Variants in GDI2 observed in about 807,000 individuals in gnomAD.
The protein encoded by GDI2 is GDP dissociation inhibitor 2, also known as rab GDP dissociation inhibitor beta.
GDI2 carries 22 observed loss-of-function variants against 54.2 expected under a neutral mutation model. The observed-to-expected ratio is 0.41, with a 90% CI of 0.29 to 0.58. The LOEUF (loss-of-function observed/expected upper bound fraction) is 0.58. Among genes scored for constraint, GDI2 ranks in the 20% least tolerant of loss-of-function variants. The pLI, the probability that GDI2 is intolerant of heterozygous loss-of-function variation, is 0.35. For missense variants in GDI2, 422 were observed against 546.0 expected (o/e 0.77, Z 2.26); for synonymous variants, 177 against 182.1 (o/e 0.97, Z 0.23).
chr10:5,803,065 G>A (rs752375922), intron 1 of GDI2, among the ~76,000 whole-genome samples: 15 of 152,060 alleles, frequency 9.9e-5, no homozygotes, highest in East Asian at 1.9e-4. Context: ...ACAATATATC[G>A]CAACAGAACT....
chr10:5,794,188 A>ATATATATATAT (rs1554789557), intron 4 of GDI2, among the ~76,000 whole-genome samples: 1 of 40,344 alleles, frequency 2.5e-5, no homozygotes, highest in African/African-American at 1.0e-4. Flanking sequence ...AAAAAAAAAA[A>ATATATATATAT]ATATATATAT....
chr10:5,778,967 C>G (rs1284017084), intron 6 of GDI2, among the ~76,000 whole-genome samples: 3 of 152,080 alleles, frequency 2.0e-5, no homozygotes, highest in Non-Finnish European at 4.4e-5. Flanking sequence ...GTATACAATC[C>G]AACATTACTA....
rs191117686 is a variant in GDI2, at chr10:5,792,291, A to G, written c.388+2594T>C. 1.2e-4 allele frequency among the ~76,000 whole-genome samples: 19 copies of G among 152,348 alleles called. No homozygotes were observed. In the East Asian group the frequency reaches 3.5e-3, roughly 28 times the overall value. ...CTTTCCCATCTGTAAAATAAAAAAT[A>G]GTAATAGCACCTGCATCTCACACGA... On this transcript the variant is annotated intron_variant, in intron 4 of 10. Transcript: ENST00000380191.
intron 6 of GDI2, among the ~76,000 whole-genome samples, chr10:5,779,275 C>G (rs1365793824): frequency 6.6e-6 from 1 of 152,028 alleles, no homozygotes; most frequent in South Asian, 2.1e-4. Flanking sequence ...GTTTGGGAGG[C>G]TGAGGCGGGC....
chr10:5,781,584 C>CA (rs1458043517), intron 6 of GDI2, among the ~76,000 whole-genome samples: 1 of 144,300 alleles, frequency 6.9e-6, no homozygotes, highest in Admixed American at 7.2e-5. Flanking sequence ...GAGACAGTGC[C>CA]ACTGCAATCC....
intron 4 of GDI2, among the ~76,000 whole-genome samples, chr10:5,793,699 G>T (rs1046314821): frequency 2.0e-5 from 3 of 152,228 alleles, no homozygotes; most frequent in African/African-American, 7.2e-5. Context: ...CCTACCCTTA[G>T]TTATACAAAT....
intron 1 of GDI2, among the ~76,000 whole-genome samples, chr10:5,811,228 T>C (rs1841475032): frequency 6.6e-6 from 1 of 152,170 alleles, no homozygotes; most frequent in South Asian, 2.1e-4. Context: ...GATATAATTA[T>C]CAAAGAACAT....
intron 1 of GDI2, among the ~76,000 whole-genome samples, chr10:5,811,703 A>G (rs1013824163): frequency 6.6e-6 from 1 of 151,702 alleles, no homozygotes; most frequent in African/African-American, 2.4e-5. Flanking sequence ...GGTAGGGCCT[A>G]TTCATTTAGG....
chr10:5,788,062 C>T (rs1032212873), intron 4 of GDI2, among the ~76,000 whole-genome samples: 3 of 152,192 alleles, frequency 2.0e-5, no homozygotes, highest in Non-Finnish European at 4.4e-5. Flanking sequence ...AAATAGTGAT[C>T]TCAATGACTA....
chr10:5,765,548 TAATACAA>T lies in GDI2; in HGVS notation c.*451_*457del, dbSNP rs1840298365. 1 of 152,784 alleles carries T rather than the reference TAATACAA, an allele frequency of 6.5e-6. No homozygotes were observed. The highest frequency in any genetic ancestry group is 6.5e-5 in the Admixed American group (1 of 15,288). 9.5% of individuals were successfully genotyped at this position (152,784 alleles called of 1,614,324 possible). On this transcript the variant is annotated 3_prime_UTR_variant, in exon 11 of 11. Coordinates refer to ENST00000380191, the MANE Select transcript of GDI2 (RefSeq NM_001494.4). ...TTGGGCCCTGCCATAACATTTGACA[TAATACAA>T]AATATAAAGTCATAGGGAAAACTTC...
rs370987309 is a variant in GDI2 at position 5,795,024 on chromosome 10, A to G, written c.254-5T>C. 5.1e-5 allele frequency: 79 copies of G among 1,558,854 alleles called. No homozygotes were observed. The highest frequency in any genetic ancestry group is 6.5e-5 in the Non-Finnish European group (74 of 1,132,116). On this transcript the variant is annotated splice_polypyrimidine_tract_variant and splice_region_variant and intron_variant, in intron 3 of 10. Coordinates refer to ENST00000380191, the MANE Select transcript of GDI2 (RefSeq NM_001494.4). Reference sequence around the variant, plus strand: ...GCAGCATCTTAACCAGCTGACCTAGAAAAGTCACATAATTCAAACTATAAC... The same window carrying G: ...GCAGCATCTTAACCAGCTGACCTAGGAAAGTCACATAATTCAAACTATAAC...
intron 4 of GDI2, among the ~76,000 whole-genome samples, chr10:5,792,292 G>T (rs1479578970): frequency 6.6e-6 from 1 of 152,102 alleles, no homozygotes; most frequent in East Asian, 1.9e-4. Flanking sequence ...ATAAAAAATA[G>T]TAATAGCACC....
intron 1 of GDI2, among the ~76,000 whole-genome samples, chr10:5,811,071 T>C (rs904129162): frequency 6.6e-6 from 1 of 152,178 alleles, no homozygotes; most frequent in African/African-American, 2.4e-5. Context: ...TAATTCTGAG[T>C]GCTAACTTTG....
In GDI2 at chr10:5,776,429, G is replaced by C. The variant is rs1263362295; in HGVS notation, c.720-2488C>G. 8 of 809,396 alleles carry C rather than the reference G, an allele frequency of 9.9e-6. No individual in the cohort carries two copies. The highest frequency in any genetic ancestry group is 5.4e-5 in the Admixed American group (3 of 55,714). The allele number at this position is 809,396 out of a possible 1,614,324, so 50.1% of individuals were successfully genotyped here. A position where few individuals can be genotyped will look rare whatever the true frequency, so the allele number is the denominator to read the frequency against. ...CTGAGATTCAAGGGATCTTTGACAG[G>C]GATCCAGACACGCTACTATTTTTAC... On this transcript the variant is annotated intron_variant, in intron 6 of 10. Transcript: ENST00000380191. This position sits in a 1 kb window ranked among gnomAD's most constrained non-coding sequence, Gnocchi z 5.3.
chr10:5,775,713 T>G (rs1415551834), intron 6 of GDI2, among the ~76,000 whole-genome samples: 1 of 152,124 alleles, frequency 6.6e-6, no homozygotes, highest in Non-Finnish European at 1.5e-5. Flanking sequence ...GCAGAGATTA[T>G]AGAGGAAGGA....
intron 5 of GDI2, 98 bp from the exon 6 acceptor site, chr10:5,785,371 C>T (rs201358101): frequency 4.9e-6 from 4 of 818,722 alleles, no homozygotes; most frequent in Non-Finnish European, 7.6e-6. Flanking sequence ...CCGCTATCTT[C>T]TTTTTTGTTT....
intron 1 of GDI2, among the ~76,000 whole-genome samples, chr10:5,810,855 T>C (rs1473372474): frequency 6.6e-6 from 1 of 152,224 alleles, no homozygotes; most frequent in Non-Finnish European, 1.5e-5. Context: ...AAGATAACTA[T>C]CAATATTTGT....
chr10:5,784,304 C>T (rs1413304122), intron 6 of GDI2, among the ~76,000 whole-genome samples: 1 of 152,122 alleles, frequency 6.6e-6, no homozygotes, highest in Admixed American at 6.6e-5. Context: ...ATGCTATTTT[C>T]CTGGAAATTT....
chr10:5,784,223 G>A (rs1472563859), intron 6 of GDI2, among the ~76,000 whole-genome samples: 1 of 152,154 alleles, frequency 6.6e-6, no homozygotes, highest in Admixed American at 6.6e-5. Flanking sequence ...TTCTATTGCT[G>A]AGACTTTCCA....
Sources: gnomAD v4.1 joint callset for allele counts (sites outside exome capture counted in the v4.1 genomes callset) on GRCh38, gnomAD v4.1.1 for gene constraint, Gnocchi (gnomAD v3.1) non-coding constraint, MANE v1.5 for transcripts, NCBI Gene and HGNC (gene_info 2026-07-23, HGNC 2026-07-21) for gene names.